BICD1: variants seen among roughly 807,000 people sequenced by gnomAD.
BICD1 encodes the protein BICD cargo adaptor 1.
Under a neutral mutation model 92.5 loss-of-function variants are expected in BICD1, and 35 were observed. The observed-to-expected ratio is 0.38, with a 90% CI of 0.29 to 0.50. The LOEUF (loss-of-function observed/expected upper bound fraction) is 0.50, where lower values mean the gene tolerates loss of function less well. Ranked by LOEUF, BICD1 falls within the 20% of genes least tolerant of loss-of-function variation. The probability of loss-of-function intolerance (pLI) is 0.93; values close to 1 mark genes in which losing one functional copy is unlikely to be tolerated. For synonymous variants in BICD1, 429 were observed against 465.1 expected, an observed-to-expected ratio of 0.92 and a Z score of 1.00; for missense variants, 950 against 1,189.8, an observed-to-expected ratio of 0.80 and a Z score of 2.97.
Position 32,192,366 on chromosome 12 carries a change from G to A in BICD1, c.214-23881G>A, listed in dbSNP as rs193014318. Reference sequence around the variant, plus strand: ...GGAGAATTGCTTGAACCCAGGAGGCGGAGGTTGCAGTGAGCTAAGATCGTG... The same window carrying A: ...GGAGAATTGCTTGAACCCAGGAGGCAGAGGTTGCAGTGAGCTAAGATCGTG... On this transcript the variant is annotated intron_variant, in intron 1 of 9. Transcript: ENST00000652176. Among the ~76,000 whole-genome samples, 301 of 149,404 alleles carry A rather than the reference G, an allele frequency of 2.0e-3. 1 individual carries two copies. Among genetic ancestry groups the A allele is most frequent in the African/African-American group, 7.4e-3 (288 of 38,888 alleles).
chr12:32,290,013 C>A (rs1024683453), intron 2 of BICD1, among the ~76,000 whole-genome samples: 2 of 152,126 alleles, frequency 1.3e-5, no homozygotes, highest in Non-Finnish European at 2.9e-5. Context: ...CTAAAGTCAA[C>A]TGGTGGAGTA....
chr12:32,112,614 G>T (rs1032100824), intron 1 of BICD1, among the ~76,000 whole-genome samples: 1 of 152,302 alleles, frequency 6.6e-6, no homozygotes, highest in Admixed American at 6.5e-5. Context: ...TGGCTTTGAG[G>T]AGAGGAGGGC....
intron 2 of BICD1, among the ~76,000 whole-genome samples, chr12:32,226,776 A>G (rs1201139666): frequency 6.6e-6 from 1 of 152,232 alleles, no homozygotes; most frequent in Non-Finnish European, 1.5e-5. Context: ...GAGAAAAGCC[A>G]TAGGAAAGAA....
intron 4 of BICD1, among the ~76,000 whole-genome samples, chr12:32,308,023 G>C (rs2650128): frequency 0.82 from 125,322 of 152,196 alleles, 52,054 homozygotes; most frequent in Non-Finnish European, 0.87. Context: ...CAATTTTCAA[G>C]CAGGTCATCT....
At chr12:32,117,756 A>ATTTT (rs1401761768) in intron 1 of BICD1, among the ~76,000 whole-genome samples, 43 of 108,336 alleles carry the variant, frequency 4.0e-4, no homozygotes, top group African/African-American at 1.3e-3. Context: ...ATATATATAT[A>ATTTT]TATTTTTTTT....
At chr12:32,211,011 C>G (rs1307429304) in intron 1 of BICD1, among the ~76,000 whole-genome samples, 1 of 152,160 alleles carries the variant, frequency 6.6e-6, no homozygotes, top group African/African-American at 2.4e-5. Flanking sequence ...TGATAGATGT[C>G]AGTTGGGTGT....
chr12:32,282,503 G>GAT (rs1255642749), intron 2 of BICD1, among the ~76,000 whole-genome samples: 1 of 152,086 alleles, frequency 6.6e-6, no homozygotes, highest in African/African-American at 2.4e-5. Context: ...GTGGGAGAAG[G>GAT]ATACTTCCTG....
intron 1 of BICD1, among the ~76,000 whole-genome samples, chr12:32,213,607 G>A (rs1471365273): frequency 1.3e-5 from 2 of 152,154 alleles, no homozygotes; most frequent in African/African-American, 2.4e-5. Flanking sequence ...TGTTGGCCAG[G>A]CTGGTCTTGA....
At position 32,337,861 on chromosome 12, in the gene BICD1, T is replaced by G. The variant is rs201697741; in HGVS notation, c.2570+45T>G. On this transcript the variant is annotated intron_variant, in intron 7 of 9. Transcript: ENST00000652176. This position sits in a 1 kb window ranked among gnomAD's most constrained non-coding sequence, Gnocchi z 4.7. ...CATAGTACGGTGCAGTGGCCAGATTTTAGTTAACTGCAAAAATAAATGTGC... is the reference window on the plus strand; with the variant it reads ...CATAGTACGGTGCAGTGGCCAGATTGTAGTTAACTGCAAAAATAAATGTGC... The G allele has an allele frequency of 6.3e-7, 1 of 1,580,924 alleles. No individual in the cohort carries two copies. Among genetic ancestry groups the G allele is most frequent in the East Asian group, 2.3e-5 (1 of 44,362 alleles).
chr12:32,152,823 G>T (rs1382301613), intron 1 of BICD1, among the ~76,000 whole-genome samples: 3 of 152,134 alleles, frequency 2.0e-5, no homozygotes, highest in Non-Finnish European at 4.4e-5. Context: ...ACACAGCCAC[G>T]TATGGCTGGA....
chr12:32,200,358 A>C (rs1388225263), intron 1 of BICD1, among the ~76,000 whole-genome samples: 1 of 152,222 alleles, frequency 6.6e-6, no homozygotes. Flanking sequence ...CAGGACAGAG[A>C]TAGCTGGATG....
Position 32,313,975 on chromosome 12 carries a change from C to A in BICD1, c.1005+7853C>A, listed in dbSNP as rs1477243182. Among the ~76,000 whole-genome samples, 3 of 152,224 alleles carry A rather than the reference C, an allele frequency of 2.0e-5. No homozygotes were observed. The highest frequency in any genetic ancestry group is 2.1e-4 in the South Asian group (1 of 4,812). On this transcript the variant is annotated intron_variant, in intron 4 of 9. Transcript: ENST00000652176. The surrounding 1 kb of genome is among the most constrained non-coding windows in gnomAD (Gnocchi z 4.2). Reference sequence around the variant, plus strand: ...CTCCAGCCTAGGTGAAAGAGCGTGACCCTATCAATAAATAAATAAAATAAA... The same window carrying A: ...CTCCAGCCTAGGTGAAAGAGCGTGAACCTATCAATAAATAAATAAAATAAA...
intron 2 of BICD1, among the ~76,000 whole-genome samples, chr12:32,249,638 C>G (rs1311755242): frequency 6.6e-6 from 1 of 151,470 alleles, no homozygotes; most frequent in Non-Finnish European, 1.5e-5. Context: ...TCCTGGAGAT[C>G]ACTAAGGGCT....
chr12:32,189,723 G>C (rs1317752236), intron 1 of BICD1, among the ~76,000 whole-genome samples: 3 of 148,248 alleles, frequency 2.0e-5, no homozygotes, highest in Non-Finnish European at 4.5e-5. Flanking sequence ...TTTTGAGACA[G>C]GGTCTTGCTC....
At chr12:32,351,764 A>G (rs1938893214) in intron 8 of BICD1, among the ~76,000 whole-genome samples, 2 of 151,434 alleles carry the variant, frequency 1.3e-5, no homozygotes, top group African/African-American at 4.9e-5. Flanking sequence ...TTAGCTGGGC[A>G]TGGTGGTGCA....
intron 2 of BICD1, among the ~76,000 whole-genome samples, chr12:32,276,047 C>T (rs993117666): frequency 2.0e-5 from 3 of 152,150 alleles, no homozygotes; most frequent in South Asian, 2.1e-4. Flanking sequence ...CAAGGATCCC[C>T]GGTAACATTT....
intron 8 of BICD1, among the ~76,000 whole-genome samples, chr12:32,356,380 G>T (rs1222793732): frequency 1.3e-5 from 2 of 152,112 alleles, no homozygotes; most frequent in Admixed American, 1.3e-4. Context: ...GGCCAGGCGC[G>T]GTGGCTCATG....
intron 1 of BICD1, among the ~76,000 whole-genome samples, chr12:32,160,960 C>CATTTAT (rs1943582246): frequency 2.0e-5 from 3 of 152,144 alleles, no homozygotes; most frequent in Non-Finnish European, 4.4e-5. Context: ...TCATTAAAAA[C>CATTTAT]ACACATTTAT....
At chr12:32,289,839 A>AT (rs1262716994) in intron 2 of BICD1, among the ~76,000 whole-genome samples, 3 of 152,318 alleles carry the variant, frequency 2.0e-5, no homozygotes, top group African/African-American at 4.8e-5. Context: ...ACAGAAGCCC[A>AT]TTTTTTTGTT....
Sources: allele counts gnomAD v4.1 joint callset (sites outside exome capture counted in the v4.1 genomes callset), GRCh38; gene constraint gnomAD v4.1.1; non-coding constraint Gnocchi (gnomAD v3.1); transcripts MANE v1.5; gene names NCBI Gene and HGNC (gene_info 2026-07-23, HGNC 2026-07-21).